Variants in TAS2R1 observed in about 807,000 individuals in gnomAD.
TAS2R1 encodes taste receptor type 2 member 1.
For synonymous variants in TAS2R1, 141 were observed against 134.2 expected (o/e 1.05, Z -0.35); for missense variants, 370 against 353.4 (o/e 1.05, Z -0.38).
At chr5:9,803,927 C>T in the TAS2R1 span, among the ~76,000 whole-genome samples, 2 of 152,154 alleles carry the variant, frequency 1.3e-5, no homozygotes, top group Non-Finnish European at 2.9e-5. Flanking sequence ...AAATGCTCCA[C>T]TTAAAAGACC....
At chr5:9,807,784 G>A in the TAS2R1 span, among the ~76,000 whole-genome samples, 1 of 152,076 alleles carries the variant, frequency 6.6e-6, no homozygotes, top group Admixed American at 6.6e-5. Flanking sequence ...AGAGGTAAGA[G>A]ATAAAAGAAT....
At chr5:9,796,061 C>A in the TAS2R1 span, among the ~76,000 whole-genome samples, 1 of 152,160 alleles carries the variant, frequency 6.6e-6, no homozygotes, top group Non-Finnish European at 1.5e-5. Flanking sequence ...ATGACAGGGA[C>A]CTCAGGGTTG....
intron 1 of TAS2R1, among the ~76,000 whole-genome samples, chr5:9,682,527 C>T (rs538264268): frequency 6.6e-6 from 1 of 151,916 alleles, no homozygotes; most frequent in Non-Finnish European, 1.5e-5. Flanking sequence ...TCTGTGTGAC[C>T]CTGATGAAGA....
chr5:9,795,501 A>C, the TAS2R1 span, among the ~76,000 whole-genome samples: 2 of 152,144 alleles, frequency 1.3e-5, no homozygotes, highest in African/African-American at 2.4e-5. Context: ...CAAGAAAAAA[A>C]AAAGAAAAGT....
chr5:9,832,935 A>G, the TAS2R1 span, among the ~76,000 whole-genome samples: 5 of 152,198 alleles, frequency 3.3e-5, no homozygotes, highest in African/African-American at 1.2e-4. Context: ...TTGCTTTTAT[A>G]CATTTTAGGG....
intron 1 of TAS2R1, among the ~76,000 whole-genome samples, chr5:9,688,090 T>C (rs1741163414): frequency 6.6e-6 from 1 of 152,242 alleles, no homozygotes; most frequent in Non-Finnish European, 1.5e-5. Flanking sequence ...GAGTTATTAA[T>C]ATATAATTCA....
At chr5:9,671,407 G>A (rs902856808) in intron 1 of TAS2R1, among the ~76,000 whole-genome samples, 2 of 152,014 alleles carry the variant, frequency 1.3e-5, no homozygotes, top group Non-Finnish European at 2.9e-5. Context: ...GTCCCTGACC[G>A]AAGCTTCTAG....
chr5:9,893,352 T>C, the TAS2R1 span, among the ~76,000 whole-genome samples: 1 of 152,104 alleles, frequency 6.6e-6, no homozygotes, highest in South Asian at 2.1e-4. Context: ...GTATATCACC[T>C]GGGCCACCTG....
chr5:9,887,051 A>G, the TAS2R1 span, among the ~76,000 whole-genome samples: 25 of 152,304 alleles, frequency 1.6e-4, no homozygotes, highest in African/African-American at 6.0e-4. Flanking sequence ...AGCATAAAAA[A>G]TAATATGTGT....
intron 2 of TAS2R1, chr5:9,645,718 C>A (rs568370836): frequency 3.3e-5 from 5 of 152,340 alleles, no homozygotes; most frequent in African/African-American, 1.2e-4. Context: ...TCTCACTGGG[C>A]AGGCTCTCTG....
the TAS2R1 span, among the ~76,000 whole-genome samples, chr5:9,873,988 G>C: frequency 7.5e-5 from 11 of 146,882 alleles, no homozygotes; most frequent in Middle Eastern, 3.4e-3. Context: ...AAGAAAAAGA[G>C]AGAGAGGAAG....
At chr5:9,849,990 T>A in the TAS2R1 span, among the ~76,000 whole-genome samples, 1 of 152,220 alleles carries the variant, frequency 6.6e-6, no homozygotes, top group East Asian at 1.9e-4. Flanking sequence ...CTTTCATTTA[T>A]CTCACAGTTC....
the TAS2R1 span, among the ~76,000 whole-genome samples, chr5:9,807,985 G>T: frequency 6.6e-6 from 1 of 152,138 alleles, no homozygotes; most frequent in African/African-American, 2.4e-5. Flanking sequence ...GTACCAAGAA[G>T]TGGGGTGTTG....
the TAS2R1 span, among the ~76,000 whole-genome samples, chr5:9,725,264 G>A: frequency 7.2e-5 from 11 of 152,250 alleles, no homozygotes; most frequent in Non-Finnish European, 1.3e-4. Context: ...TTCTGGGCTG[G>A]CCAAGGCCGG....
the TAS2R1 span, among the ~76,000 whole-genome samples, chr5:9,897,848 G>C: frequency 6.6e-6 from 1 of 152,156 alleles, no homozygotes; most frequent in African/African-American, 2.4e-5. Flanking sequence ...AAATTACTAA[G>C]AGCCTGCAGA....
At chr5:9,680,907 A>T (rs1007669144) in intron 1 of TAS2R1, among the ~76,000 whole-genome samples, 9 of 151,910 alleles carry the variant, frequency 5.9e-5, no homozygotes, top group South Asian at 2.1e-4. Flanking sequence ...AAAAAAAAAT[A>T]AAAAAATTAG....
chr5:9,708,538 C>T (rs1741669186), intron 1 of TAS2R1, among the ~76,000 whole-genome samples: 1 of 152,180 alleles, frequency 6.6e-6, no homozygotes, highest in South Asian at 2.1e-4. Flanking sequence ...AAAGCTCCAC[C>T]AGCGTCTGTC....
chr5:9,876,494 C>G, the TAS2R1 span, among the ~76,000 whole-genome samples: 123 of 152,242 alleles, frequency 8.1e-4, no homozygotes, highest in African/African-American at 2.9e-3. Flanking sequence ...TCACAGAAGC[C>G]ACATGAAACA....
At chr5:9,827,315 A>T in the TAS2R1 span, among the ~76,000 whole-genome samples, 1 of 152,040 alleles carries the variant, frequency 6.6e-6, no homozygotes, top group Non-Finnish European at 1.5e-5. Context: ...CTGTACATCC[A>T]TTTGTCCTAG....
Sources: allele counts gnomAD v4.1 joint callset (sites outside exome capture counted in the v4.1 genomes callset), GRCh38; gene constraint gnomAD v4.1.1; transcripts MANE v1.5; gene names NCBI Gene and HGNC (gene_info 2026-07-23, HGNC 2026-07-21).